Variants in MEF2D observed in about 807,000 individuals in gnomAD.
MEF2D encodes myocyte-specific enhancer factor 2D.
MEF2D carries 10 observed loss-of-function variants against 59.3 expected under a neutral mutation model. The observed-to-expected ratio is 0.17, with a 90% CI of 0.10 to 0.29. The LOEUF is 0.29. MEF2D is among the 10% of genes least tolerant of loss of function. The pLI is 1.00. For synonymous variants in MEF2D, 305 were observed against 295.0 expected (o/e 1.03, Z -0.35); for missense variants, 508 against 699.4 (o/e 0.73, Z 3.09).
chr1:156,483,333 G>A lies in MEF2D; in HGVS notation c.-41C>T, dbSNP rs367705328. ...TCAGTGCTACGGAGGGGAGGGGCTC[G>A]CTGGGTGGTGGGTCTCGGCACACCT... On this transcript the variant is annotated 5_prime_UTR_variant, in exon 2 of 12. Coordinates refer to ENST00000348159, the MANE Select transcript of MEF2D (RefSeq NM_005920.4). The A allele has an allele frequency of 9.9e-5, 158 of 1,594,466 alleles. No homozygotes were observed. Among genetic ancestry groups the A allele is most frequent in the Non-Finnish European group, 1.1e-4 (124 of 1,162,248 alleles).
chr1:156,479,116 T>C (rs929770879), intron 6 of MEF2D, among the ~76,000 whole-genome samples, 174 bp downstream of exon 6: 4 of 152,194 alleles, frequency 2.6e-5, no homozygotes, highest in Admixed American at 6.5e-5. Flanking sequence ...ACACCAATCA[T>C]TGCTACAGAA....
intron 1 of MEF2D, among the ~76,000 whole-genome samples, chr1:156,498,102 A>T (rs1268765456): frequency 4.6e-4 from 8 of 17,506 alleles, no homozygotes; most frequent in Non-Finnish European, 7.7e-4. Flanking sequence ...AGGAAAGATT[A>T]AAAAAAAAAA....
At position 156,468,148 on chromosome 1, in the gene MEF2D, C is replaced by T; in HGVS notation, c.1399G>A (p.Gly467Ser). The stretch of plus-strand genomic sequence containing the variant: ...CCGGCTGGGCTGCTGAGACCATCGC[C>T]AGGCTCAGGGCGGGCAGCTGGGAAC... ...AVFPAARPEP[G>S]DGLSSPAGGS... is the part of the protein sequence containing the mutation. The change falls in exon 11 of 12, where the codon GGC (glycine) becomes AGC (serine). Residue 467 changes from glycine to serine, a missense_variant. Physicochemically the swap from Gly to Ser is moderately conservative, Grantham distance 56. This residue lies in a region of MEF2D where 481 missense variants were observed against 584.7 expected (regional missense o/e 0.82). Coordinates refer to ENST00000348159, the MANE Select transcript of MEF2D (RefSeq NM_005920.4). This position sits in a 1 kb window ranked among gnomAD's most constrained non-coding sequence, Gnocchi z 4.3. 1 of 1,613,920 alleles carries T rather than the reference C, an allele frequency of 6.2e-7. No homozygotes were observed. Among genetic ancestry groups the T allele is most frequent in the Non-Finnish European group, 8.5e-7 (1 of 1,179,866 alleles).
chr1:156,479,259 C>T (rs1450155118), intron 6 of MEF2D, 31 bp downstream of exon 6: 13 of 1,585,402 alleles, frequency 8.2e-6, no homozygotes, highest in Admixed American at 1.8e-5. Flanking sequence ...CACCCCTCCC[C>T]ACCTCCAGGT....
chr1:156,487,172 G>A (rs1403910284), intron 1 of MEF2D, among the ~76,000 whole-genome samples: 2 of 151,798 alleles, frequency 1.3e-5, no homozygotes, highest in African/African-American at 2.4e-5. Flanking sequence ...CTCCTACACC[G>A]CCCCCCCCAC....
At position 156,468,183 on chromosome 1, in the gene MEF2D, G is replaced by C. The variant is rs1195093881; in HGVS notation, c.1364C>G (p.Pro455Arg). ...PSRERSPAPP[P>R]PAVFPAARPE... The stretch of plus-strand genomic sequence containing the variant: ...GCGGGCAGCTGGGAACACAGCTGGA[G>C]GGGGAGGCGCAGGGCTGCGCTCACG... The change falls in exon 11 of 12, where the codon CCT (proline) becomes CGT (arginine). Residue 455 changes from proline (P) to arginine (R), a missense_variant. Coordinates refer to ENST00000348159, the MANE Select transcript of MEF2D (RefSeq NM_005920.4). This position sits in a 1 kb window ranked among gnomAD's most constrained non-coding sequence, Gnocchi z 4.3. 1.9e-6 allele frequency: 3 copies of C among 1,613,856 alleles called. No individual in the cohort carries two copies. The highest frequency in any genetic ancestry group is 1.7e-5 in the Admixed American group (1 of 60,010).
chr1:156,471,775 A>G (rs1671248563), intron 9 of MEF2D, among the ~76,000 whole-genome samples: 1 of 152,366 alleles, frequency 6.6e-6, no homozygotes, highest in Middle Eastern at 3.4e-3. Flanking sequence ...GTGAACAACT[A>G]AACAGCAATG....
At chr1:156,478,312 T>G (rs2102078817) in intron 6 of MEF2D, among the ~76,000 whole-genome samples, 2 of 152,192 alleles carry the variant, frequency 1.3e-5, no homozygotes, top group Middle Eastern at 6.8e-3. Flanking sequence ...GTGACCACAG[T>G]CAGAAATGCT....
chr1:156,494,631 G>C (rs116070903), intron 1 of MEF2D, among the ~76,000 whole-genome samples: 4,912 of 152,296 alleles, frequency 0.032, 288 homozygotes, highest in African/African-American at 0.11. Flanking sequence ...AGCTGCCTTA[G>C]CAGGCCAGTC....
chr1:156,475,922 C>T lies in MEF2D; in HGVS notation c.876+572G>A, dbSNP rs534195962. Among the ~76,000 whole-genome samples the T allele has an allele frequency of 1.1e-4, 16 of 152,246 alleles. No homozygotes were observed. The South Asian group carries it at 3.3e-3, about 32-fold the overall frequency. On this transcript the variant is annotated intron_variant, in intron 8 of 11. Coordinates refer to ENST00000348159, the MANE Select transcript of MEF2D (RefSeq NM_005920.4). The stretch of plus-strand genomic sequence containing the variant: ...GCAGCTGTGCATGCCTCTGAGTGCC[C>T]GTGTCATGGACTTAAGTTCAGGAGG...
Position 156,464,691 on chromosome 1 carries a change from T to C in MEF2D, c.*2954A>G, listed in dbSNP as rs1670734937. The stretch of plus-strand genomic sequence containing the variant: ...ACCCCCAAGAGAAACCTTCGGATAC[T>C]GAACTGCAGAAATGTCACATATTCA... On this transcript the variant is annotated 3_prime_UTR_variant, in exon 12 of 12. Transcript: ENST00000348159. The C allele has an allele frequency of 6.6e-6, 1 of 152,144 alleles. No homozygotes were observed. Among genetic ancestry groups the C allele is most frequent in the Non-Finnish European group, 1.5e-5 (1 of 68,054 alleles). 9.4% of individuals were successfully genotyped at this position (152,144 alleles called of 1,614,324 possible).
chr1:156,493,287 G>A (rs1672924761), intron 1 of MEF2D, among the ~76,000 whole-genome samples: 1 of 152,182 alleles, frequency 6.6e-6, no homozygotes, highest in Non-Finnish European at 1.5e-5. Context: ...CAGGGGACCC[G>A]AAAGAGGCCA....
chr1:156,469,903 T>C (rs188651227), intron 9 of MEF2D, among the ~76,000 whole-genome samples: 139 of 151,870 alleles, frequency 9.2e-4, no homozygotes, highest in Admixed American at 1.5e-3. Flanking sequence ...CATGTGTAGG[T>C]ATCACTTTCA....
chr1:156,493,272 G>C (rs948890664), intron 1 of MEF2D, among the ~76,000 whole-genome samples: 1 of 152,214 alleles, frequency 6.6e-6, no homozygotes, highest in Non-Finnish European at 1.5e-5. Flanking sequence ...CACCTACGAT[G>C]ATGACAGGGG....
intron 1 of MEF2D, among the ~76,000 whole-genome samples, 197 bp downstream of exon 1, chr1:156,500,289 G>A (rs1297236100): frequency 6.6e-6 from 1 of 152,094 alleles, no homozygotes; most frequent in African/African-American, 2.4e-5. Flanking sequence ...CAGACTCCCT[G>A]ACACAAACAG....
rs1016913900 is a variant in MEF2D at position 156,466,191 on chromosome 1, GAAC to G, written c.*1451_*1453del. On this transcript the variant is annotated 3_prime_UTR_variant, in exon 12 of 12. Transcript: ENST00000348159. Reference sequence around the variant, plus strand: ...GACTCAGAGGAGGGGAGGGGAGCAAGAACAACAGCAGAAGAATCTCGTCTGTAC... The same window carrying G: ...GACTCAGAGGAGGGGAGGGGAGCAAGAACAGCAGAAGAATCTCGTCTGTAC... 1.3e-5 allele frequency: 2 copies of G among 152,354 alleles called. No homozygotes were observed. The highest frequency in any genetic ancestry group is 6.5e-5 in the Admixed American group (1 of 15,280). 9.4% of individuals were successfully genotyped at this position (152,354 alleles called of 1,614,324 possible). A position where few individuals can be genotyped will look rare whatever the true frequency, so the allele number is the denominator to read the frequency against.
Position 156,479,269 on chromosome 1 carries a change from TAGA to T in MEF2D, c.664+18_664+20del. The T allele has an allele frequency of 6.3e-7, 1 of 1,599,378 alleles. No individual in the cohort carries two copies. Among genetic ancestry groups the T allele is most frequent in the Non-Finnish European group, 8.5e-7 (1 of 1,173,956 alleles). On this transcript the variant is annotated intron_variant, in intron 6 of 11. Transcript: ENST00000348159. ...GCGGGCACCCCTCCCCACCTCCAGG[TAGA>T]AGGATGACTGCACTCACCAACAGGG...
chr1:156,475,576 C>T (rs1671516112), intron 8 of MEF2D, among the ~76,000 whole-genome samples: 1 of 152,224 alleles, frequency 6.6e-6, no homozygotes, highest in African/African-American at 2.4e-5. Flanking sequence ...TCTCTGGAGC[C>T]CACTCTCCAT....
chr1:156,485,847 T>C (rs1484850895), intron 1 of MEF2D, among the ~76,000 whole-genome samples: 2 of 150,208 alleles, frequency 1.3e-5, no homozygotes, highest in African/African-American at 2.5e-5. Flanking sequence ...TTTTTTTGAC[T>C]TTTTTTTTCT....
Sources: allele counts gnomAD v4.1 joint callset (sites outside exome capture counted in the v4.1 genomes callset), GRCh38; gene constraint gnomAD v4.1.1; regional missense constraint gnomAD v4.1.1; non-coding constraint Gnocchi (gnomAD v3.1); transcripts MANE v1.5; gene names NCBI Gene and HGNC (gene_info 2026-07-23, HGNC 2026-07-21).